C10orf105: variants seen among roughly 807,000 people sequenced by gnomAD.
C10orf105 encodes the protein uncharacterized protein C10orf105.
In C10orf105, 2 loss-of-function variants were observed where a neutral mutation model predicts 0.6. The observed-to-expected ratio is 3.18, with a 90% CI of 1.30 to 10.01. The LOEUF is 10.01. Among genes scored for constraint, C10orf105 ranks in the 30% most tolerant of loss-of-function variants. The pLI, the probability that C10orf105 is intolerant of heterozygous loss-of-function variation, is 0.04. For missense variants in C10orf105, 209 were observed against 191.4 expected (o/e 1.09, Z -0.54); for synonymous variants, 95 against 82.4 (o/e 1.15, Z -0.83).
At chr10:71,722,715 G>C (rs1866615891), upstream of C10orf105, among the ~76,000 whole-genome samples, 1 of 152,152 alleles carries the variant, frequency 6.6e-6, no homozygotes, top group Non-Finnish European at 1.5e-5. Flanking sequence ...GAAGATATTT[G>C]AACAAAGACC....
chr10:71,730,639 G>T (rs754891358), intron 1 of C10orf105: 26 of 1,611,914 alleles, frequency 1.6e-5, no homozygotes, highest in Non-Finnish European at 2.2e-5. Flanking sequence ...GGATCCCATT[G>T]CTCAGAGCAA....
Position 71,712,440 on chromosome 10 carries a change from G to A in C10orf105, c.*3496C>T. 5.6e-6 allele frequency: 3 copies of A among 538,750 alleles called. No individual in the cohort carries two copies. The highest frequency in any genetic ancestry group is 4.9e-5 in the South Asian group (2 of 40,778). The allele number at this position is 538,750 out of a possible 1,614,324, so 33.4% of individuals were successfully genotyped here. ...TGTCTGCTTCATGGGGTTGCTGTGA[G>A]GACTGAATGGGTTAGAAGAATGGCT... On this transcript the variant is annotated 3_prime_UTR_variant, in exon 2 of 2. Coordinates refer to ENST00000441508, the MANE Select transcript of C10orf105 (RefSeq NM_001164375.3).
intron 1 of C10orf105, among the ~76,000 whole-genome samples, chr10:71,729,304 G>T (rs1252700153): frequency 6.6e-6 from 1 of 152,216 alleles, no homozygotes; most frequent in African/African-American, 2.4e-5. Context: ...ACAAGGATTG[G>T]TGTGAAAGTA....
At chr10:71,732,090 C>G in intron 1 of C10orf105, 1 of 1,614,028 alleles carries the variant, frequency 6.2e-7, no homozygotes, top group Non-Finnish European at 8.5e-7. Context: ...ACCTGGACTA[C>G]GAGACCAAGA....
intron 1 of C10orf105, chr10:71,737,691 AC>A (rs1564767428): frequency 4.3e-6 from 2 of 469,496 alleles, no homozygotes; most frequent in South Asian, 1.6e-5. Flanking sequence ...AGCTCCTCCA[AC>A]CCCCCTCACA....
intron 1 of C10orf105, chr10:71,737,705 C>T (rs142977574): frequency 2.1e-6 from 1 of 470,698 alleles, no homozygotes; most frequent in South Asian, 1.5e-5. Context: ...CCCTCACACC[C>T]TCATCAGTGA....
intron 1 of C10orf105, among the ~76,000 whole-genome samples, chr10:71,726,227 TC>T (rs1866804245): frequency 6.6e-6 from 1 of 151,874 alleles, no homozygotes; most frequent in Admixed American, 6.6e-5. Context: ...CCCAGCCCCT[TC>T]CCCTAAACCA....
chr10:71,728,051 C>T (rs1866893756), intron 1 of C10orf105, among the ~76,000 whole-genome samples: 1 of 152,164 alleles, frequency 6.6e-6, no homozygotes, highest in African/African-American at 2.4e-5. Flanking sequence ...CAGCCTGGCC[C>T]TGTTTTTTCC....
At chr10:71,719,022 G>A (rs578037429) in intron 1 of C10orf105, among the ~76,000 whole-genome samples, 3 of 152,206 alleles carry the variant, frequency 2.0e-5, no homozygotes, top group South Asian at 2.1e-4. Flanking sequence ...AGGCTACAGC[G>A]AGCTAGAATC....
upstream of C10orf105, among the ~76,000 whole-genome samples, chr10:71,720,420 AACACACACACAC>A (rs57346519): frequency 1.4e-5 from 2 of 145,748 alleles, no homozygotes; most frequent in African/African-American, 2.6e-5. Context: ...CTCTTTCCAA[AACACACACACAC>A]ACACACACAC....
intron 1 of C10orf105, among the ~76,000 whole-genome samples, chr10:71,718,377 C>T (rs1451427779): frequency 6.6e-6 from 1 of 152,234 alleles, no homozygotes; most frequent in Non-Finnish European, 1.5e-5. Context: ...CCACCACCAC[C>T]CCTCCCAGCA....
chr10:71,723,118 A>T (rs1866631796), upstream of C10orf105, among the ~76,000 whole-genome samples: 1 of 152,174 alleles, frequency 6.6e-6, no homozygotes, highest in African/African-American at 2.4e-5. Flanking sequence ...GTGGTGAGAC[A>T]AGAAGGGGCA....
chr10:71,730,482 T>C lies in C10orf105; in HGVS notation c.-6+7246A>G, dbSNP rs759990271. On this transcript the variant is annotated intron_variant, in intron 1 of 1. Transcript: ENST00000398786. The stretch of plus-strand genomic sequence containing the variant: ...CGGCTCCCACAGGTGATTGTGTACG[T>C]GGAGGACATCAACGATGAGGCCCCC... The C allele has an allele frequency of 1.4e-5, 23 of 1,613,630 alleles. No homozygotes were observed. The Middle Eastern group carries it at 6.7e-4, about 47-fold the overall frequency.
intron 1 of C10orf105, among the ~76,000 whole-genome samples, chr10:71,731,727 A>G (rs1839394583): frequency 6.6e-6 from 1 of 152,164 alleles, no homozygotes; most frequent in Admixed American, 6.5e-5. Context: ...CTCCAGGAGC[A>G]GACCCAACTC....
Position 71,713,590 on chromosome 10 carries a change from C to CA in C10orf105, c.*2345dup. On this transcript the variant is annotated 3_prime_UTR_variant, in exon 2 of 2. Coordinates refer to ENST00000441508, the MANE Select transcript of C10orf105 (RefSeq NM_001164375.3). ...AGCAGGGAGCTGACTCCCAGAAACACAGAGAGCCCAGAAAGCCCTGAGGAT... is the reference window on the plus strand; with the variant it reads ...AGCAGGGAGCTGACTCCCAGAAACACAAGAGAGCCCAGAAAGCCCTGAGGAT... The CA allele has an allele frequency of 2.5e-6, 1 of 396,560 alleles. No homozygotes were observed. The highest frequency in any genetic ancestry group is 5.3e-5 in the East Asian group (1 of 18,962). 24.6% of individuals were successfully genotyped at this position (396,560 alleles called of 1,614,324 possible). A position where few individuals can be genotyped will look rare whatever the true frequency, so the allele number is the denominator to read the frequency against.
chr10:71,722,311 A>G (rs761799727), upstream of C10orf105, among the ~76,000 whole-genome samples: 1 of 152,224 alleles, frequency 6.6e-6, no homozygotes, highest in Non-Finnish European at 1.5e-5. Context: ...CAGAAGGAGA[A>G]GTGTACTGTA....
chr10:71,716,561 C>T (rs1035753086), intron 1 of C10orf105: 3 of 453,028 alleles, frequency 6.6e-6, no homozygotes, highest in Non-Finnish European at 1.2e-5. Flanking sequence ...CAAGCTCAGG[C>T]CCTCTTCCTG....
chr10:71,722,655 T>C (rs1195443614), upstream of C10orf105, among the ~76,000 whole-genome samples: 2 of 151,992 alleles, frequency 1.3e-5, no homozygotes, highest in Non-Finnish European at 2.9e-5. Flanking sequence ...GCCAGGACAT[T>C]GGAGTGGGGG....
chr10:71,724,673 G>T (rs1589375525), upstream of C10orf105, among the ~76,000 whole-genome samples: 1 of 152,200 alleles, frequency 6.6e-6, no homozygotes, highest in Admixed American at 6.5e-5. Context: ...GGCCCTGACA[G>T]AGAGGGCCCA....
Sources: gnomAD v4.1 joint callset for allele counts (sites outside exome capture counted in the v4.1 genomes callset) on GRCh38, gnomAD v4.1.1 for gene constraint, MANE v1.5 for transcripts, NCBI Gene and HGNC (gene_info 2026-07-23, HGNC 2026-07-21) for gene names.